The following PPFIA2 variants were observed in gnomAD, a reference collection of about 807,000 sequenced individuals.
The protein encoded by PPFIA2 is liprin-alpha-2.
In PPFIA2, 46 loss-of-function variants were observed where a neutral mutation model predicts 175.5. That is an observed-to-expected ratio of 0.26 (90% CI 0.21 to 0.34). The LOEUF is 0.34. Ranked by LOEUF, PPFIA2 falls within the 10% of genes least tolerant of loss-of-function variation. The pLI is 1.00. For synonymous variants in PPFIA2, 568 were observed against 511.4 expected, an observed-to-expected ratio of 1.11 and a Z score of -1.49; for missense variants, 1,179 against 1,506.1, an observed-to-expected ratio of 0.78 and a Z score of 3.60.
chr12:81,308,212 T>G (rs771770129), intron 22 of PPFIA2, among the ~76,000 whole-genome samples: 1 of 152,204 alleles, frequency 6.6e-6, no homozygotes, highest in Non-Finnish European at 1.5e-5. Flanking sequence ...TGAAATATAG[T>G]GGTTTGAAAG....
chr12:81,602,808 T>C (rs897755675), intron 4 of PPFIA2, among the ~76,000 whole-genome samples: 1 of 151,844 alleles, frequency 6.6e-6, no homozygotes, highest in Non-Finnish European at 1.5e-5. Context: ...TGCGGCACTG[T>C]TCTCAGAATA....
chr12:81,365,525 T>C (rs1383500415), intron 14 of PPFIA2, among the ~76,000 whole-genome samples: 1 of 151,658 alleles, frequency 6.6e-6, no homozygotes, highest in African/African-American at 2.4e-5. Context: ...TTGGATAACA[T>C]AACATGCATA....
At chr12:81,329,372 T>G (rs978163470) in intron 21 of PPFIA2, among the ~76,000 whole-genome samples, 5 of 152,104 alleles carry the variant, frequency 3.3e-5, no homozygotes, top group Admixed American at 6.6e-5. Context: ...CCCTCAAAGT[T>G]TTCTTGGCTA....
intron 22 of PPFIA2, among the ~76,000 whole-genome samples, chr12:81,310,538 G>A (rs1386569705): frequency 6.6e-6 from 1 of 151,820 alleles, no homozygotes. Context: ...AGGACTCAGG[G>A]GAATTAAGTT....
intron 23 of PPFIA2, among the ~76,000 whole-genome samples, chr12:81,297,286 A>G (rs751978795): frequency 6.6e-6 from 1 of 152,230 alleles, no homozygotes; most frequent in Admixed American, 6.5e-5. Flanking sequence ...GACCCATAGA[A>G]GTCATGAGAT....
At chr12:81,580,619 T>C (rs910211082) in intron 4 of PPFIA2, among the ~76,000 whole-genome samples, 15 of 151,548 alleles carry the variant, frequency 9.9e-5, no homozygotes, top group African/African-American at 3.4e-4. Flanking sequence ...CAATAATAAA[T>C]TATTTCCCTC....
At chr12:81,614,857 C>T (rs2061294602) in intron 4 of PPFIA2, among the ~76,000 whole-genome samples, 1 of 151,988 alleles carries the variant, frequency 6.6e-6, no homozygotes, top group African/African-American at 2.4e-5. Context: ...TCTATTTATT[C>T]CTCAATTATG....
intron 4 of PPFIA2, among the ~76,000 whole-genome samples, chr12:81,638,686 T>TC (rs1364491784): frequency 2.3e-4 from 28 of 124,036 alleles, no homozygotes; most frequent in East Asian, 1.7e-3. Flanking sequence ...AATTTTCTTT[T>TC]TTTTTTTTTT....
At chr12:81,742,405 T>C (rs1028492344) in intron 3 of PPFIA2, among the ~76,000 whole-genome samples, 12 of 152,204 alleles carry the variant, frequency 7.9e-5, no homozygotes, top group African/African-American at 2.7e-4. Context: ...GAGGTACTTA[T>C]AGTGGTTCAA....
Position 81,715,704 on chromosome 12 carries a change from GT to G in PPFIA2, c.249+38268del, listed in dbSNP as rs535882100. On this transcript the variant is annotated intron_variant, in intron 3 of 32. Transcript: ENST00000549396. ...TTGCAAGCTGCATGTATAAAACTTT[GT>G]CAAGGAAATCTATATCACATAAAAC... Among the ~76,000 whole-genome samples, 354 of 151,800 alleles carry G rather than the reference GT, an allele frequency of 2.3e-3. 1 individual carries two copies. The highest frequency in any genetic ancestry group is 8.3e-3 in the African/African-American group (343 of 41,496).
chr12:81,331,236 G>C (rs1186546984), intron 21 of PPFIA2, among the ~76,000 whole-genome samples: 1 of 152,128 alleles, frequency 6.6e-6, no homozygotes, highest in African/African-American at 2.4e-5. Context: ...CTTAACCATT[G>C]TGTTACGATT....
Position 81,556,025 on chromosome 12 carries a change from G to T in PPFIA2, c.304-98159C>A, listed in dbSNP as rs190813413. ...AACTAAGAAATGTTTATGTTTAAAA[G>T]CATCTCTGGTGATTCTGACATCACT... On this transcript the variant is annotated intron_variant, in intron 4 of 32. Transcript: ENST00000549396. 2.1e-3 allele frequency among the ~76,000 whole-genome samples: 315 copies of T among 151,988 alleles called. 2 individuals are homozygous for T. The highest frequency in any genetic ancestry group is 3.3e-3 in the Admixed American group (50 of 15,234).
chr12:81,664,788 G>C (rs550580842), intron 4 of PPFIA2, among the ~76,000 whole-genome samples: 1 of 151,926 alleles, frequency 6.6e-6, no homozygotes, highest in Non-Finnish European at 1.5e-5. Flanking sequence ...GAACCAACCC[G>C]AATGTCCAAC....
At chr12:81,713,475 A>G (rs1048660549) in intron 3 of PPFIA2, among the ~76,000 whole-genome samples, 1 of 151,208 alleles carries the variant, frequency 6.6e-6, no homozygotes, top group Non-Finnish European at 1.5e-5. Flanking sequence ...TTGTTTCTGT[A>G]TATGAAAAAA....
chr12:81,452,207 A>G (rs999065551), intron 5 of PPFIA2, among the ~76,000 whole-genome samples: 1 of 152,182 alleles, frequency 6.6e-6, no homozygotes, highest in African/African-American at 2.4e-5. Context: ...GGTAATCTAA[A>G]TCTTTTATTT....
intron 8 of PPFIA2, among the ~76,000 whole-genome samples, chr12:81,389,812 G>A (rs966854159): frequency 4.6e-5 from 7 of 151,896 alleles, no homozygotes; most frequent in Admixed American, 1.3e-4. Context: ...TAATTTACAC[G>A]CCATAAAACG....
intron 4 of PPFIA2, among the ~76,000 whole-genome samples, chr12:81,586,750 A>G (rs919124845): frequency 6.6e-6 from 1 of 151,886 alleles, no homozygotes; most frequent in Non-Finnish European, 1.5e-5. Flanking sequence ...ACAAGTCAAT[A>G]TATTTTACTG....
intron 5 of PPFIA2, among the ~76,000 whole-genome samples, chr12:81,457,200 T>C (rs1053934994): frequency 1.3e-5 from 2 of 151,832 alleles, no homozygotes; most frequent in East Asian, 3.9e-4. Flanking sequence ...GCCAGGGTGA[T>C]CTTGAACTCC....
chr12:81,303,172 T>G (rs1419506652), intron 22 of PPFIA2, among the ~76,000 whole-genome samples: 1 of 152,192 alleles, frequency 6.6e-6, no homozygotes, highest in Non-Finnish European at 1.5e-5. Context: ...AAAGGTCAAG[T>G]GACAGTTCAT....
Sources: allele counts gnomAD v4.1 joint callset (sites outside exome capture counted in the v4.1 genomes callset), GRCh38; gene constraint gnomAD v4.1.1; transcripts MANE v1.5; gene names NCBI Gene and HGNC (gene_info 2026-07-23, HGNC 2026-07-21).